The following CHRNA3 variants were observed in gnomAD, a reference collection of about 807,000 sequenced individuals.
CHRNA3 encodes neuronal acetylcholine receptor subunit alpha-3.
Under a neutral mutation model 41.9 loss-of-function variants are expected in CHRNA3, and 34 were observed. The observed-to-expected ratio is 0.81, with a 90% CI of 0.62 to 1.08. The LOEUF (loss-of-function observed/expected upper bound fraction) is 1.08. CHRNA3 is among the 50% of genes least tolerant of loss of function. The probability of loss-of-function intolerance (pLI) is 0.00; values close to 1 mark genes in which losing one functional copy is unlikely to be tolerated. For synonymous variants in CHRNA3, 281 were observed against 265.2 expected, an observed-to-expected ratio of 1.06 and a Z score of -0.58; for missense variants, 542 against 638.3, an observed-to-expected ratio of 0.85 and a Z score of 1.63.
chr15:78,593,339 GTTAAA>G (rs2053043228), downstream of CHRNA3: 6 of 1,307,248 alleles, frequency 4.6e-6, no homozygotes, highest in Non-Finnish European at 5.1e-6. Context: ...TAAGTTATGT[GTTAAA>G]TTTAGTGCAA....
intron 5 of CHRNA3, among the ~76,000 whole-genome samples, chr15:78,598,813 G>A (rs2053151747): frequency 1.3e-5 from 2 of 151,490 alleles, no homozygotes; most frequent in South Asian, 2.1e-4. Context: ...TGGGATTGCA[G>A]GCGTCAGCCA....
chr15:78,613,426 T>A (rs1424837061), intron 4 of CHRNA3, among the ~76,000 whole-genome samples: 1 of 151,928 alleles, frequency 6.6e-6, no homozygotes, highest in Non-Finnish European at 1.5e-5. Context: ...TGTAGGGACA[T>A]GGATGAAACT....
chr15:78,618,446 C>A, intron 3 of CHRNA3, 171 bp downstream of exon 3: 1 of 686,654 alleles, frequency 1.5e-6, no homozygotes, highest in East Asian at 2.7e-5. Flanking sequence ...GACTGTAGGG[C>A]AGTGCATGTG....
chr15:78,616,550 C>T (rs542683509), intron 4 of CHRNA3, among the ~76,000 whole-genome samples: 20 of 152,244 alleles, frequency 1.3e-4, no homozygotes, highest in African/African-American at 4.8e-4. Flanking sequence ...ATGCTACATT[C>T]CAGGTGCCCC....
In CHRNA3 at chr15:78,595,560, G is replaced by C. The variant is rs1172298960; in HGVS notation, c.*1044C>G. The C allele has an allele frequency of 5.0e-6, 1 of 200,118 alleles. No individual in the cohort carries two copies. The highest frequency in any genetic ancestry group is 6.5e-5 in the Admixed American group (1 of 15,306). The allele number at this position is 200,118 out of a possible 1,614,324, so 12.4% of individuals were successfully genotyped here. A position where few individuals can be genotyped will look rare whatever the true frequency, so the allele number is the denominator to read the frequency against. On this transcript the variant is annotated 3_prime_UTR_variant, in exon 6 of 6. Coordinates refer to ENST00000326828, the MANE Select transcript of CHRNA3 (RefSeq NM_000743.5). ...AAGCAAGGTATGTCATTGGCATCTAGTGAGTTGAGGCTAGGGTACTGCTAA... is the reference window on the plus strand; with the variant it reads ...AAGCAAGGTATGTCATTGGCATCTACTGAGTTGAGGCTAGGGTACTGCTAA...
intron 4 of CHRNA3, 21 bp downstream of exon 4, chr15:78,617,003 G>C (rs778438302): frequency 6.4e-7 from 1 of 1,567,832 alleles, no homozygotes; most frequent in East Asian, 2.2e-5. Flanking sequence ...CTGAGAGGGC[G>C]TGGGCCCCCC....
At chr15:78,618,127 G>T (rs1053644018) in intron 3 of CHRNA3, among the ~76,000 whole-genome samples, 15 of 152,096 alleles carry the variant, frequency 9.9e-5, no homozygotes, top group African/African-American at 3.4e-4. Context: ...CACAGCTGTG[G>T]TCCCAGCTAC....
intron 4 of CHRNA3, among the ~76,000 whole-genome samples, chr15:78,615,192 C>T (rs1386028333): frequency 6.6e-6 from 1 of 152,182 alleles, no homozygotes; most frequent in African/African-American, 2.4e-5. Context: ...TACATGGGAA[C>T]CTTGCTTCAC....
At chr15:78,603,004 T>C (rs2053229468) in intron 4 of CHRNA3, among the ~76,000 whole-genome samples, 1 of 152,222 alleles carries the variant, frequency 6.6e-6, no homozygotes, top group South Asian at 2.1e-4. Flanking sequence ...CATCCTGACA[T>C]TTATTTTCAC....
At chr15:78,604,606 T>C (rs1323722244) in intron 4 of CHRNA3, among the ~76,000 whole-genome samples, 1 of 152,066 alleles carries the variant, frequency 6.6e-6, no homozygotes. Flanking sequence ...AACAGTCATA[T>C]CTCTACTAGC....
At chr15:78,616,983 G>C in intron 4 of CHRNA3, 41 bp downstream of exon 4, 2 of 1,450,322 alleles carry the variant, frequency 1.4e-6, no homozygotes, top group Non-Finnish European at 1.9e-6. Flanking sequence ...CAGAGCCCAG[G>C]CTGACAGCCC....
Position 78,617,157 on chromosome 15 carries a change from A to G in CHRNA3, c.268-24T>C, listed in dbSNP as rs779809802. Reference sequence around the variant, plus strand: ...ATCTCGGGGAAGGAAGCAGGGAGGGAGAAGGAGACGGTAAAAGAATCAGCC... The same window carrying G: ...ATCTCGGGGAAGGAAGCAGGGAGGGGGAAGGAGACGGTAAAAGAATCAGCC... On this transcript the variant is annotated intron_variant, in intron 3 of 5. Coordinates refer to ENST00000326828, the MANE Select transcript of CHRNA3 (RefSeq NM_000743.5). 9 of 1,498,726 alleles carry G rather than the reference A, an allele frequency of 6.0e-6. No homozygotes were observed. In the East Asian group the frequency reaches 6.8e-5, roughly 11 times the overall value. 92.8% of individuals were successfully genotyped at this position (1,498,726 alleles called of 1,614,324 possible). A position where few individuals can be genotyped will look rare whatever the true frequency, so the allele number is the denominator to read the frequency against.
At chr15:78,615,073 G>A (rs1268623404) in intron 4 of CHRNA3, among the ~76,000 whole-genome samples, 1 of 152,158 alleles carries the variant, frequency 6.6e-6, no homozygotes. Flanking sequence ...TCGATGGCAG[G>A]AGCCAGGGAA....
intron 4 of CHRNA3, among the ~76,000 whole-genome samples, chr15:78,613,773 AAACCAAAAAAAAC>A (rs1485003704): frequency 1.4e-5 from 1 of 71,292 alleles, no homozygotes; most frequent in African/African-American, 8.7e-5. Flanking sequence ...AACAAAAAAA[AAACCAAAAAAAAC>A]CACAAAAAAA....
chr15:78,619,598 TGTGTGACTCCCGTGATCTC>T (rs2053518573), intron 1 of CHRNA3: 2 of 152,542 alleles, frequency 1.3e-5, no homozygotes, highest in Non-Finnish European at 1.5e-5. Context: ...GCCAAGGCAC[TGTGTGACTCCCGTGATCTC>T]GTGTGACCCC....
At position 78,601,167 on chromosome 15, in the gene CHRNA3, C is replaced by T. The variant is rs1356327609; in HGVS notation, c.1389+86G>A. ...GACTCCAGAGGGCAATTTCTTAACCCCCTACCCTATGCCTTGCCCCACGAG... is the reference window on the plus strand; with the variant it reads ...GACTCCAGAGGGCAATTTCTTAACCTCCTACCCTATGCCTTGCCCCACGAG... On this transcript the variant is annotated intron_variant, in intron 5 of 5. Transcript: ENST00000326828. 6 of 1,396,978 alleles carry T rather than the reference C, an allele frequency of 4.3e-6. No homozygotes were observed. Among genetic ancestry groups the T allele is most frequent in the Non-Finnish European group, 5.9e-6 (6 of 1,010,174 alleles). The allele number at this position is 1,396,978 out of a possible 1,614,324, so 86.5% of individuals were successfully genotyped here. A position where few individuals can be genotyped will look rare whatever the true frequency, so the allele number is the denominator to read the frequency against.
At chr15:78,614,597 CTAA>C (rs1476436713) in intron 4 of CHRNA3, among the ~76,000 whole-genome samples, 2 of 152,126 alleles carry the variant, frequency 1.3e-5, no homozygotes, top group African/African-American at 2.4e-5. Context: ...ATCAATACTA[CTAA>C]TAAGAAAACA....
chr15:78,613,452 C>G (rs895550726), intron 4 of CHRNA3, among the ~76,000 whole-genome samples: 3 of 151,490 alleles, frequency 2.0e-5, no homozygotes, highest in South Asian at 4.2e-4. Flanking sequence ...CCATCATTCT[C>G]AGCAAACTAT....
At chr15:78,606,444 T>A (rs1264666742) in intron 4 of CHRNA3, among the ~76,000 whole-genome samples, 4 of 151,684 alleles carry the variant, frequency 2.6e-5, no homozygotes, top group Non-Finnish European at 5.9e-5. Context: ...TAATCTGATA[T>A]TACAAATTAA....
Sources: gnomAD v4.1 joint callset for allele counts (sites outside exome capture counted in the v4.1 genomes callset) on GRCh38, gnomAD v4.1.1 for gene constraint, MANE v1.5 for transcripts, NCBI Gene and HGNC (gene_info 2026-07-23, HGNC 2026-07-21) for gene names.